Variants in TEAD1 observed in about 807,000 individuals in gnomAD.
TEAD1 encodes TEA domain transcription factor 1.
A neutral mutation model predicts 54.9 loss-of-function variants in TEAD1; 9 were observed. That is an observed-to-expected ratio of 0.16 (90% CI 0.10 to 0.29). The LOEUF is 0.29. Among genes scored for constraint, TEAD1 ranks in the 10% least tolerant of loss-of-function variants. The pLI, the probability that TEAD1 is intolerant of heterozygous loss-of-function variation, is 1.00. For missense variants in TEAD1, 387 were observed against 535.9 expected (o/e 0.72, Z 2.74); for synonymous variants, 200 against 187.8 (o/e 1.07, Z -0.53).
At chr11:12,930,115 T>G in intron 11 of TEAD1, 59 bp from the exon 12 acceptor site, 1 of 1,603,682 alleles carries the variant, frequency 6.2e-7, no homozygotes, top group Non-Finnish European at 8.5e-7. Context: ...CAGTAATATC[T>G]GTTTCATGTG....
intron 10 of TEAD1, among the ~76,000 whole-genome samples, chr11:12,912,239 T>A (rs920081882): frequency 4.6e-5 from 7 of 152,180 alleles, no homozygotes; most frequent in African/African-American, 1.7e-4. Context: ...GATTGAGAGT[T>A]CTGATTTGCA....
At chr11:12,883,607 C>T (rs931535908) in intron 9 of TEAD1, among the ~76,000 whole-genome samples, 4 of 152,136 alleles carry the variant, frequency 2.6e-5, no homozygotes, top group Non-Finnish European at 5.9e-5. Flanking sequence ...ATTAGAGATT[C>T]AAGCTCGGGT....
At chr11:12,711,977 C>T (rs531044071) in intron 2 of TEAD1, among the ~76,000 whole-genome samples, 1 of 152,186 alleles carries the variant, frequency 6.6e-6, no homozygotes, top group African/African-American at 2.4e-5. Context: ...TACTCCTCTT[C>T]TCCAGGTCCT....
chr11:12,730,243 C>T (rs1590092059), intron 2 of TEAD1, among the ~76,000 whole-genome samples: 1 of 152,072 alleles, frequency 6.6e-6, no homozygotes, highest in East Asian at 1.9e-4. Flanking sequence ...TTACAAAACA[C>T]TCTCCCAGGC....
At chr11:12,696,426 C>T in intron 2 of TEAD1, among the ~76,000 whole-genome samples, 1 of 152,074 alleles carries the variant, frequency 6.6e-6, no homozygotes, top group East Asian at 1.9e-4. Context: ...ATGTTTGACC[C>T]ATGGGTATAG....
chr11:12,738,990 G>C (rs1412516521), intron 2 of TEAD1, among the ~76,000 whole-genome samples: 1 of 152,168 alleles, frequency 6.6e-6, no homozygotes, highest in Non-Finnish European at 1.5e-5. Flanking sequence ...GGGCAACTCA[G>C]CCTGACATAG....
At chr11:12,758,165 C>T (rs1023903470) in intron 2 of TEAD1, among the ~76,000 whole-genome samples, 1 of 151,834 alleles carries the variant, frequency 6.6e-6, no homozygotes, top group Non-Finnish European at 1.5e-5. Flanking sequence ...AGTCTCTGCC[C>T]TCAGGGAGGG....
At chr11:12,885,670 T>C (rs1948072694) in intron 9 of TEAD1, among the ~76,000 whole-genome samples, 1 of 152,204 alleles carries the variant, frequency 6.6e-6, no homozygotes, top group Non-Finnish European at 1.5e-5. Context: ...CTGGTTAAAA[T>C]ACTATGGAAT....
intron 3 of TEAD1, among the ~76,000 whole-genome samples, chr11:12,834,230 A>G (rs945925826): frequency 3.3e-5 from 5 of 152,128 alleles, no homozygotes; most frequent in Admixed American, 6.5e-5. Context: ...GTGAGATATG[A>G]GTTATGTGGA....
chr11:12,883,662 C>T (rs1222500170), intron 9 of TEAD1, among the ~76,000 whole-genome samples: 1 of 152,176 alleles, frequency 6.6e-6, no homozygotes, highest in Admixed American at 6.5e-5. Flanking sequence ...ATTCCATACT[C>T]TCTTTCCAAC....
intron 3 of TEAD1, among the ~76,000 whole-genome samples, chr11:12,772,932 C>T (rs143861525): frequency 3.8e-4 from 58 of 152,310 alleles, no homozygotes; most frequent in Non-Finnish European, 5.0e-4. Flanking sequence ...CCACAGGACC[C>T]GGGTTGCCCT....
chr11:12,695,484 A>G (rs1275576077), intron 2 of TEAD1, among the ~76,000 whole-genome samples: 1 of 152,210 alleles, frequency 6.6e-6, no homozygotes, highest in East Asian at 1.9e-4. Context: ...TCAGGCTGGG[A>G]TTAGAGACTG....
intron 3 of TEAD1, among the ~76,000 whole-genome samples, chr11:12,839,416 AAAAC>A (rs139144528): frequency 0.023 from 3,439 of 152,260 alleles, 141 homozygotes; most frequent in African/African-American, 0.076. Context: ...GTCTCAAAAC[AAAAC>A]AAACAAACAA....
intron 3 of TEAD1, among the ~76,000 whole-genome samples, chr11:12,780,521 G>T (rs1564937182): frequency 6.6e-6 from 1 of 152,054 alleles, no homozygotes; most frequent in Non-Finnish European, 1.5e-5. Flanking sequence ...CAGGATTACA[G>T]GTGTGAGCCA....
At chr11:12,815,110 T>G (rs1946389282) in intron 3 of TEAD1, among the ~76,000 whole-genome samples, 1 of 152,094 alleles carries the variant, frequency 6.6e-6, no homozygotes, top group African/African-American at 2.4e-5. Context: ...TGTTTATAGA[T>G]AAGGGTAGGT....
chr11:12,775,495 G>A (rs547859453), intron 3 of TEAD1, among the ~76,000 whole-genome samples: 1 of 152,280 alleles, frequency 6.6e-6, no homozygotes, highest in Non-Finnish European at 1.5e-5. Flanking sequence ...ACGTGAAAGC[G>A]TGTCTCTGAT....
intron 3 of TEAD1, among the ~76,000 whole-genome samples, chr11:12,784,618 G>A (rs1017642563): frequency 1.2e-4 from 18 of 152,216 alleles, no homozygotes; most frequent in African/African-American, 4.3e-4. Context: ...GTGTGCTGAA[G>A]TATTTGTCTC....
At chr11:12,751,708 A>G (rs1033542613) in intron 2 of TEAD1, among the ~76,000 whole-genome samples, 3 of 139,704 alleles carry the variant, frequency 2.1e-5, no homozygotes, top group South Asian at 3.0e-4. Context: ...TTTATACCCT[A>G]TCATGTTTCA....
At position 12,820,966 on chromosome 11, in the gene TEAD1, G is replaced by A. The variant is rs895344812; in HGVS notation, c.203-41284G>A. On this transcript the variant is annotated intron_variant, in intron 3 of 12. Coordinates refer to ENST00000527636, the MANE Select transcript of TEAD1 (RefSeq NM_021961.6). ...CTGATGACAAAGGGCTTTAAGGCAA[G>A]GGAAGTGTTTGCAGCACTTTGGGGG... is the stretch of plus-strand genomic sequence containing the variant. Among the ~76,000 whole-genome samples, 54 of 152,206 alleles carry A rather than the reference G, an allele frequency of 3.5e-4. 1 individual carries two copies. The highest frequency in any genetic ancestry group is 1.3e-3 in the African/African-American group (54 of 41,458).
Sources: gnomAD v4.1 joint callset for allele counts (sites outside exome capture counted in the v4.1 genomes callset) on GRCh38, gnomAD v4.1.1 for gene constraint, MANE v1.5 for transcripts, NCBI Gene and HGNC (gene_info 2026-07-23, HGNC 2026-07-21) for gene names.